Variants in MCUB observed in about 807,000 individuals in gnomAD.
The protein encoded by MCUB is calcium uniporter regulatory subunit MCUb, mitochondrial.
MCUB carries 46 observed loss-of-function variants against 41.4 expected under a neutral mutation model. The observed-to-expected ratio is 1.11, with a 90% confidence interval of 0.88 to 1.42. MCUB has a LOEUF of 1.42. Ranked by LOEUF, MCUB falls within the 40% of genes most tolerant of loss-of-function variation. The probability of loss-of-function intolerance (pLI) is 0.00; values close to 1 mark genes in which losing one functional copy is unlikely to be tolerated. For missense variants in MCUB, 403 were observed against 404.9 expected, an observed-to-expected ratio of 1.00 and a Z score of 0.04; for synonymous variants, 148 against 148.2, an observed-to-expected ratio of 1.00 and a Z score of 0.01.
rs2126130023 is a variant in MCUB, at chr4:109,597,719, G to C, written c.99+37283G>C. On this transcript the variant is annotated intron_variant, in intron 1 of 7. Coordinates refer to ENST00000394650, the MANE Select transcript of MCUB (RefSeq NM_017918.5). ...CACCTCCCTCCTGGACGGGGCGGCT[G>C]GCCGGGCGGGGGGCTGACCCCCCCA... is the stretch of plus-strand genomic sequence containing the variant. Among the ~76,000 whole-genome samples the C allele has an allele frequency of 2.1e-5, 3 of 141,656 alleles. No homozygotes were observed. The East Asian group carries it at 6.1e-4, about 29-fold the overall frequency. The allele number at this position is 141,656 out of a possible 152,430, so 92.9% of individuals were successfully genotyped here. A position where few individuals can be genotyped will look rare whatever the true frequency, so the allele number is the denominator to read the frequency against.
At chr4:109,622,506 T>C (rs1728269157) in intron 1 of MCUB, among the ~76,000 whole-genome samples, 1 of 152,254 alleles carries the variant, frequency 6.6e-6, no homozygotes, top group Non-Finnish European at 1.5e-5. Context: ...TCTGGAACTT[T>C]AGATTTTGAA....
At position 109,657,333 on chromosome 4, in the gene MCUB, A is replaced by C. The variant is rs150004871; in HGVS notation, c.100-1678A>C. Reference sequence around the variant, plus strand: ...GTTTAATACTAAAATATGTATTTGAATGTTTTGTTTTACTTATTGATGAGG... The same window carrying C: ...GTTTAATACTAAAATATGTATTTGACTGTTTTGTTTTACTTATTGATGAGG... On this transcript the variant is annotated intron_variant, in intron 1 of 7. Coordinates refer to ENST00000394650, the MANE Select transcript of MCUB (RefSeq NM_017918.5). 7.0e-4 allele frequency among the ~76,000 whole-genome samples: 107 copies of C among 152,070 alleles called. 2 individuals carry two copies. The East Asian group carries it at 0.015, about 22-fold the overall frequency.
At chr4:109,602,840 C>T (rs1727773931) in intron 1 of MCUB, among the ~76,000 whole-genome samples, 1 of 152,178 alleles carries the variant, frequency 6.6e-6, no homozygotes, top group Non-Finnish European at 1.5e-5. Flanking sequence ...AATCGATGAA[C>T]ATGGAATATA....
At chr4:109,657,850 A>G (rs555448083) in intron 1 of MCUB, among the ~76,000 whole-genome samples, 1 of 152,252 alleles carries the variant, frequency 6.6e-6, no homozygotes, top group Non-Finnish European at 1.5e-5. Flanking sequence ...CTGCTGTCCA[A>G]TAGAACTTTC....
intron 1 of MCUB, among the ~76,000 whole-genome samples, chr4:109,649,393 T>G (rs1460345892): frequency 8.5e-5 from 13 of 152,226 alleles, no homozygotes. Flanking sequence ...TCCTGTGGTG[T>G]GTAAGTTTTC....
At chr4:109,681,996 C>T (rs1729727948) in intron 4 of MCUB, among the ~76,000 whole-genome samples, 1 of 152,254 alleles carries the variant, frequency 6.6e-6, no homozygotes, top group Non-Finnish European at 1.5e-5. Flanking sequence ...CTTGTCCTTC[C>T]CGCTGTGCTC....
chr4:109,661,615 A>C (rs1435706269), intron 3 of MCUB, among the ~76,000 whole-genome samples: 1 of 152,176 alleles, frequency 6.6e-6, no homozygotes, highest in Admixed American at 6.5e-5. Flanking sequence ...ATTATGTTAA[A>C]TAATAAGTGT....
At chr4:109,628,679 C>T (rs1043684414) in intron 1 of MCUB, among the ~76,000 whole-genome samples, 4 of 152,090 alleles carry the variant, frequency 2.6e-5, no homozygotes, top group East Asian at 1.9e-4. Flanking sequence ...GGGTGTATGG[C>T]GGTACCACTT....
intron 1 of MCUB, among the ~76,000 whole-genome samples, chr4:109,633,197 C>T (rs548636808): frequency 6.6e-6 from 1 of 152,242 alleles, no homozygotes; most frequent in East Asian, 1.9e-4. Flanking sequence ...AAAATTTAAA[C>T]CATTCCAGTT....
At chr4:109,594,462 C>T (rs894759191) in intron 1 of MCUB, among the ~76,000 whole-genome samples, 1 of 152,190 alleles carries the variant, frequency 6.6e-6, no homozygotes, top group African/African-American at 2.4e-5. Flanking sequence ...GGAGGACCAG[C>T]CTGGCCAATA....
chr4:109,571,239 T>C (rs966424365), intron 1 of MCUB, among the ~76,000 whole-genome samples: 6 of 152,212 alleles, frequency 3.9e-5, no homozygotes, highest in African/African-American at 1.4e-4. Flanking sequence ...AAGAAACGAA[T>C]TTTATATATC....
chr4:109,626,024 C>T (rs1177148907), intron 1 of MCUB, among the ~76,000 whole-genome samples: 4 of 152,134 alleles, frequency 2.6e-5, no homozygotes, highest in Non-Finnish European at 5.9e-5. Context: ...ATTTTAGTTA[C>T]AAATGGGTGT....
chr4:109,660,828 A>AT (rs201653068), intron 3 of MCUB, among the ~76,000 whole-genome samples: 15 of 151,580 alleles, frequency 9.9e-5, no homozygotes, highest in East Asian at 3.9e-4. Flanking sequence ...AGAAAAGAAA[A>AT]TTAAAAAAAA....
At chr4:109,664,958 G>T (rs1295465374) in intron 4 of MCUB, among the ~76,000 whole-genome samples, 3 of 151,048 alleles carry the variant, frequency 2.0e-5, no homozygotes, top group East Asian at 1.9e-4. Flanking sequence ...AAAAAAAATT[G>T]TATTATTTAA....
At chr4:109,653,924 C>T (rs909875031) in intron 1 of MCUB, among the ~76,000 whole-genome samples, 2 of 152,094 alleles carry the variant, frequency 1.3e-5, no homozygotes, top group Admixed American at 1.3e-4. Flanking sequence ...TCCAGGAATT[C>T]TAATTAGTTA....
chr4:109,611,643 G>GA (rs1728009567), intron 1 of MCUB, among the ~76,000 whole-genome samples: 1 of 152,124 alleles, frequency 6.6e-6, no homozygotes, highest in Admixed American at 6.5e-5. Context: ...TACAAGTGAG[G>GA]ATTTTTCAAA....
At chr4:109,570,484 TTGG>T (rs1726889478) in intron 1 of MCUB, among the ~76,000 whole-genome samples, 1 of 152,250 alleles carries the variant, frequency 6.6e-6, no homozygotes, top group South Asian at 2.1e-4. Context: ...ATTTTCACTG[TTGG>T]TGGCCTTTGG....
chr4:109,565,363 T>G (rs73838813), intron 1 of MCUB, among the ~76,000 whole-genome samples: 1 of 152,348 alleles, frequency 6.6e-6, no homozygotes, highest in African/African-American at 2.4e-5. Flanking sequence ...GAAACCCAAC[T>G]ATTCTAATAT....
At position 109,682,641 on chromosome 4, in the gene MCUB, C is replaced by T; in HGVS notation, c.511C>T (p.Leu171=). ...ACACATGAAATCTTTGGTTCACAGA[C>T]TATTTACAATCTTGCATTTAGAAGA... ...MEHMKSLVHR[L]FTILHLEESQ... is the part of the protein sequence containing the mutation. The change falls in exon 5 of 8, where the codon CTA becomes TTA. Residue 171 remains leucine, a synonymous_variant. Transcript: ENST00000394650. The T allele has an allele frequency of 6.2e-7, 1 of 1,612,890 alleles. No individual in the cohort carries two copies. Among genetic ancestry groups the T allele is most frequent in the Non-Finnish European group, 8.5e-7 (1 of 1,178,974 alleles).
Sources: gnomAD v4.1 joint callset for allele counts (sites outside exome capture counted in the v4.1 genomes callset) on GRCh38, gnomAD v4.1.1 for gene constraint, MANE v1.5 for transcripts, NCBI Gene and HGNC (gene_info 2026-07-23, HGNC 2026-07-21) for gene names.